METTL15: variants seen among roughly 807,000 people sequenced by gnomAD.
METTL15 encodes the protein methyltransferase 15, mitochondrial 12S rRNA N4-cytidine.
Under a neutral mutation model 38.3 loss-of-function variants are expected in METTL15, and 34 were observed. The observed-to-expected ratio is 0.89, with a 90% CI of 0.68 to 1.18. The LOEUF is 1.18. Ranked by LOEUF, METTL15 falls within the 50% of genes most tolerant of loss-of-function variation. METTL15 has a pLI of 0.00. For missense variants in METTL15, 438 were observed against 498.4 expected (o/e 0.88, Z 1.15); for synonymous variants, 162 against 170.9 (o/e 0.95, Z 0.41).
At chr11:28,507,078 G>A (rs540426020) in intron 6 of METTL15, among the ~76,000 whole-genome samples, 9 of 152,176 alleles carry the variant, frequency 5.9e-5, no homozygotes, top group African/African-American at 1.2e-4. Flanking sequence ...TTCAGCAGCC[G>A]TTACCAATCA....
intron 4 of METTL15, among the ~76,000 whole-genome samples, chr11:28,221,556 C>G (rs375260084): frequency 1.1e-3 from 171 of 152,298 alleles, no homozygotes; most frequent in African/African-American, 3.9e-3. Context: ...CTTCTTCTCT[C>G]AACTTGTCAA....
chr11:28,497,111 G>A (rs1488056539), intron 6 of METTL15, among the ~76,000 whole-genome samples: 1 of 152,138 alleles, frequency 6.6e-6, no homozygotes, highest in African/African-American at 2.4e-5. Context: ...TAGTTAGCAG[G>A]CACTATGATA....
chr11:28,194,178 C>CTTTCTTTCTTTCTTTCTTTTTT (rs1373046857), intron 3 of METTL15, among the ~76,000 whole-genome samples: 1 of 12,270 alleles, frequency 8.1e-5, no homozygotes, highest in Non-Finnish European at 1.7e-4. Context: ...CTTTCTTTTT[C>CTTTCTTTCTTTCTTTCTTTTTT]TCTCTCTCTC....
intron 3 of METTL15, among the ~76,000 whole-genome samples, chr11:28,131,881 A>G (rs1849350222): frequency 6.6e-6 from 1 of 152,158 alleles, no homozygotes; most frequent in African/African-American, 2.4e-5. Context: ...TTGTTGAGCT[A>G]TTTAGTTGTT....
At chr11:28,128,236 G>T (rs1852577591) in intron 3 of METTL15, among the ~76,000 whole-genome samples, 2 of 151,618 alleles carry the variant, frequency 1.3e-5, no homozygotes, top group Non-Finnish European at 2.9e-5. Flanking sequence ...AATAAATTAA[G>T]GATAGAAAAA....
In METTL15 at chr11:28,109,815, C is replaced by T. The variant is rs537824880; in HGVS notation, c.-253-351C>T. Among the ~76,000 whole-genome samples, 17 of 152,254 alleles carry T rather than the reference C, an allele frequency of 1.1e-4. No individual in the cohort carries two copies. The South Asian group carries it at 3.5e-3, about 32-fold the overall frequency. ...ATTTCAAATTCAGTGTTACACTTGC[C>T]ATTTAACAGTGTTCAGATGATGAGG... On this transcript the variant is annotated intron_variant, in intron 1 of 6. Coordinates refer to ENST00000407364, the MANE Select transcript of METTL15 (RefSeq NM_001113528.2).
chr11:28,316,394 G>C (rs1021263609), intron 6 of METTL15, among the ~76,000 whole-genome samples: 14 of 152,182 alleles, frequency 9.2e-5, no homozygotes, highest in Admixed American at 2.0e-4. Context: ...TGGAATTGCT[G>C]TATTTACCTA....
intron 3 of METTL15, among the ~76,000 whole-genome samples, chr11:28,177,378 A>G (rs949182103): frequency 3.9e-5 from 6 of 152,162 alleles, no homozygotes; most frequent in Non-Finnish European, 8.8e-5. Context: ...TTCTTCAAAG[A>G]TGATTGAAAC....
chr11:28,531,385 C>T (rs1160415629), downstream of METTL15, among the ~76,000 whole-genome samples: 1 of 152,002 alleles, frequency 6.6e-6, no homozygotes, highest in Non-Finnish European at 1.5e-5. Flanking sequence ...TATCCTTGAA[C>T]TTAAGGAACT....
intron 4 of METTL15, among the ~76,000 whole-genome samples, chr11:28,269,230 T>C (rs1342609320): frequency 6.6e-6 from 1 of 152,112 alleles, no homozygotes; most frequent in African/African-American, 2.4e-5. Context: ...GCACTGCTGT[T>C]TTTTGCAGAA....
Position 28,133,328 on chromosome 11 carries a change from C to T in METTL15, c.270+19724C>T, listed in dbSNP as rs187174831. Among the ~76,000 whole-genome samples the T allele has an allele frequency of 1.1e-4, 16 of 152,254 alleles. No individual in the cohort carries two copies. In the South Asian group the frequency reaches 1.7e-3, roughly 16 times the overall value. On this transcript the variant is annotated intron_variant, in intron 3 of 6. Coordinates refer to ENST00000407364, the MANE Select transcript of METTL15 (RefSeq NM_001113528.2). Reference sequence around the variant, plus strand: ...TGCCTTATAGATGGGAGCTATGACTCGTGTTAAAAACCTTCAAGACAATTT... The same window carrying T: ...TGCCTTATAGATGGGAGCTATGACTTGTGTTAAAAACCTTCAAGACAATTT...
chr11:28,501,079 A>G (rs1851579019), intron 6 of METTL15, among the ~76,000 whole-genome samples: 1 of 152,150 alleles, frequency 6.6e-6, no homozygotes, highest in African/African-American at 2.4e-5. Flanking sequence ...ATATATTGAG[A>G]GCCTTGGCTG....
At chr11:28,461,767 A>G (rs1367345907) in intron 6 of METTL15, among the ~76,000 whole-genome samples, 2 of 152,082 alleles carry the variant, frequency 1.3e-5, no homozygotes, top group African/African-American at 4.8e-5. Flanking sequence ...GGAGTACAAG[A>G]GAAGATTTGT....
rs1275902032 is a variant in METTL15, at chr11:28,348,531, CTAGT to C, written c.*190-3556_*190-3553del. Among the ~76,000 whole-genome samples, 6 of 152,020 alleles carry C rather than the reference CTAGT, an allele frequency of 3.9e-5. No individual in the cohort carries two copies. In the South Asian group the frequency reaches 1.0e-3, roughly 26 times the overall value. On this transcript the variant is annotated intron_variant and NMD_transcript_variant, in intron 3 of 7. Coordinates refer to the METTL15 transcript ENST00000532947. Reference sequence around the variant, plus strand: ...TACAGGTGCATGCCACCATGCTTGGCTAGTTATTTTATTTTTTGTAGAGAACGGA... The same window carrying C: ...TACAGGTGCATGCCACCATGCTTGGCTATTTTATTTTTTGTAGAGAACGGA...
intron 4 of METTL15, among the ~76,000 whole-genome samples, chr11:28,240,275 G>A (rs968841663): frequency 6.6e-6 from 1 of 152,034 alleles, no homozygotes; most frequent in Non-Finnish European, 1.5e-5. Context: ...TACTTTGTTC[G>A]TAAATATTTG....
chr11:28,320,200 T>C (rs1199264280), intron 6 of METTL15, among the ~76,000 whole-genome samples: 1 of 100,652 alleles, frequency 9.9e-6, no homozygotes, highest in Non-Finnish European at 2.1e-5. Context: ...TTTTTTTTTT[T>C]TGAGCTGTGA....
At chr11:28,206,058 G>A (rs1489751211) in intron 3 of METTL15, among the ~76,000 whole-genome samples, 2 of 142,926 alleles carry the variant, frequency 1.4e-5, no homozygotes, top group African/African-American at 5.6e-5. Flanking sequence ...TCTGTAGGTT[G>A]CCTGTTCACT....
chr11:28,359,292 C>A (rs923373365), intron 4 of METTL15, among the ~76,000 whole-genome samples: 2 of 152,176 alleles, frequency 1.3e-5, no homozygotes, highest in Non-Finnish European at 2.9e-5. Context: ...CATAGTATTT[C>A]ATGATGTGTA....
At chr11:28,389,990 G>C (rs994698292) in intron 5 of METTL15, among the ~76,000 whole-genome samples, 1 of 151,962 alleles carries the variant, frequency 6.6e-6, no homozygotes, top group African/African-American at 2.4e-5. Context: ...CAGTGATGAC[G>C]AGCATTTTTT....
Sources: allele counts gnomAD v4.1 joint callset (sites outside exome capture counted in the v4.1 genomes callset), GRCh38; gene constraint gnomAD v4.1.1; transcripts MANE v1.5; gene names NCBI Gene and HGNC (gene_info 2026-07-23, HGNC 2026-07-21).